The following FAM107B variants were observed in gnomAD, a reference collection of about 807,000 sequenced individuals.
FAM107B encodes the protein family with sequence similarity 107 member B.
A neutral mutation model predicts 31.5 loss-of-function variants in FAM107B; 21 were observed. The observed-to-expected ratio is 0.67, with a 90% CI of 0.47 to 0.96. The LOEUF (loss-of-function observed/expected upper bound fraction) is 0.96. Among genes scored for constraint, FAM107B ranks in the 40% least tolerant of loss-of-function variants. The pLI, the probability that FAM107B is intolerant of heterozygous loss-of-function variation, is 0.00. For missense variants in FAM107B, 452 were observed against 377.1 expected (o/e 1.20, Z -1.64); for synonymous variants, 157 against 141.5 (o/e 1.11, Z -0.78).
intron 1 of FAM107B, among the ~76,000 whole-genome samples, chr10:14,759,746 C>G (rs1833005991): frequency 6.6e-6 from 1 of 151,878 alleles, no homozygotes; most frequent in African/African-American, 2.4e-5. Context: ...AGTCTCACCT[C>G]TGCTGTGCAG....
chr10:14,732,408 A>G (rs1313070382), intron 1 of FAM107B, among the ~76,000 whole-genome samples: 2 of 152,164 alleles, frequency 1.3e-5, no homozygotes, highest in Non-Finnish European at 2.9e-5. Flanking sequence ...GCTGTTTTTA[A>G]TGTTGGTTCG....
intron 2 of FAM107B, among the ~76,000 whole-genome samples, chr10:14,640,059 C>T (rs1174336091): frequency 6.6e-6 from 1 of 152,200 alleles, no homozygotes; most frequent in Non-Finnish European, 1.5e-5. Context: ...GTTAATAATA[C>T]ACAGCTTGGC....
At chr10:14,682,713 G>A (rs1395791248) in intron 1 of FAM107B, among the ~76,000 whole-genome samples, 1 of 151,966 alleles carries the variant, frequency 6.6e-6, no homozygotes, top group African/African-American at 2.4e-5. Context: ...GACACAGGGA[G>A]GGGAACATCA....
At chr10:14,655,608 G>C (rs1227182953) in intron 2 of FAM107B, among the ~76,000 whole-genome samples, 1 of 152,162 alleles carries the variant, frequency 6.6e-6, no homozygotes, top group East Asian at 1.9e-4. Context: ...ACTGTGCCAA[G>C]GGACCCTCTC....
At chr10:14,556,535 T>C (rs991842377) in intron 2 of FAM107B, 12 of 391,298 alleles carry the variant, frequency 3.1e-5, no homozygotes, top group Admixed American at 6.4e-5. Context: ...GCGCAACGTT[T>C]AGACTTGACT....
intron 1 of FAM107B, among the ~76,000 whole-genome samples, chr10:14,737,615 A>AAAACAAACAAAC (rs557002907): frequency 4.6e-5 from 7 of 151,664 alleles, no homozygotes; most frequent in South Asian, 2.1e-4. Context: ...CTCGGCCTCC[A>AAAACAAACAAAC]AAACAAACAA....
chr10:14,767,081 GAGAGAGAGAGA>G (rs1833193230), intron 1 of FAM107B, among the ~76,000 whole-genome samples: 3 of 102,634 alleles, frequency 2.9e-5, no homozygotes, highest in African/African-American at 1.2e-4. Context: ...GAGAGAGAGA[GAGAGAGAGAGA>G]GAGAGAGACA....
At position 14,704,447 on chromosome 10, in the gene FAM107B, G is replaced by A. The variant is rs998060980; in HGVS notation, c.412-36756C>T. On this transcript the variant is annotated intron_variant, in intron 1 of 4. Transcript: ENST00000181796. ...TTTACCCCAAAAATATTGTGTGGTT[G>A]TAGCCTATCTTCAAAAAGGTGGGTC... 2.6e-5 allele frequency among the ~76,000 whole-genome samples: 4 copies of A among 152,168 alleles called. No individual in the cohort carries two copies. The South Asian group carries it at 6.2e-4, about 24-fold the overall frequency.
At chr10:14,767,055 T>TATATATATAGAGAGAGAG (rs1440609298) in intron 1 of FAM107B, among the ~76,000 whole-genome samples, 1 of 18,280 alleles carries the variant, frequency 5.5e-5, no homozygotes, top group Non-Finnish European at 1.1e-4. Flanking sequence ...TATATATATA[T>TATATATATAGAGAGAGAG]AGAGAGAGAG....
chr10:14,591,672 C>G (rs937416551), intron 2 of FAM107B, among the ~76,000 whole-genome samples: 1 of 152,212 alleles, frequency 6.6e-6, no homozygotes, highest in East Asian at 1.9e-4. Context: ...CCACCCACCA[C>G]AGGACCCCAA....
chr10:14,677,895 T>G (rs1854728995), intron 1 of FAM107B, among the ~76,000 whole-genome samples: 1 of 152,148 alleles, frequency 6.6e-6, no homozygotes, highest in South Asian at 2.1e-4. Flanking sequence ...TAAAAAGCGG[T>G]GTATTGATAA....
chr10:14,586,576 C>T (rs891346744), intron 2 of FAM107B, among the ~76,000 whole-genome samples: 2 of 152,202 alleles, frequency 1.3e-5, no homozygotes, highest in Non-Finnish European at 2.9e-5. Context: ...TGATCTCCCT[C>T]TCCACCATGT....
At chr10:14,548,140 C>T (rs528340021) in intron 2 of FAM107B, among the ~76,000 whole-genome samples, 2 of 152,328 alleles carry the variant, frequency 1.3e-5, no homozygotes, top group Admixed American at 6.5e-5. Context: ...TTGAGTTAAC[C>T]TGGTTGGCTG....
intron 2 of FAM107B, among the ~76,000 whole-genome samples, chr10:14,637,170 G>A (rs186848007): frequency 3.1e-4 from 47 of 152,120 alleles, no homozygotes; most frequent in Admixed American, 5.9e-4. Flanking sequence ...TCAAGGTCTC[G>A]GCTTCACGAG....
At chr10:14,707,132 AAAC>A (rs1855539140) in intron 1 of FAM107B, among the ~76,000 whole-genome samples, 2 of 152,246 alleles carry the variant, frequency 1.3e-5, no homozygotes, top group South Asian at 4.1e-4. Flanking sequence ...TCTCAGAAAA[AAAC>A]AAAACAACAA....
chr10:14,689,532 G>T (rs1395185764), intron 1 of FAM107B, among the ~76,000 whole-genome samples: 1 of 152,188 alleles, frequency 6.6e-6, no homozygotes, highest in Admixed American at 6.5e-5. Context: ...TGACGGTAAT[G>T]AGAGGTAAGT....
intron 1 of FAM107B, among the ~76,000 whole-genome samples, chr10:14,714,699 C>A (rs1855743530): frequency 6.6e-6 from 1 of 152,166 alleles, no homozygotes; most frequent in Non-Finnish European, 1.5e-5. Flanking sequence ...AAAAACTGAG[C>A]ACTCTTCCAA....
chr10:14,528,019 A>G (rs950056127), intron 3 of FAM107B: 3 of 360,244 alleles, frequency 8.3e-6, no homozygotes, highest in Non-Finnish European at 1.6e-5. Context: ...TTTTTAATGT[A>G]TTTCCAACCA....
rs528371901 is a variant in FAM107B at position 14,666,320 on chromosome 10, CA to C, written c.469+1313del. Among the ~76,000 whole-genome samples, 67 of 152,308 alleles carry C rather than the reference CA, an allele frequency of 4.4e-4. No homozygotes were observed. In the South Asian group the frequency reaches 0.013, roughly 30 times the overall value. Reference sequence around the variant, plus strand: ...CAATCATGGCGGAAGCAGAAGGAAGCATGTCCTTCTTCACATGACAGTAGCA... The same window carrying C: ...CAATCATGGCGGAAGCAGAAGGAAGCTGTCCTTCTTCACATGACAGTAGCA... On this transcript the variant is annotated intron_variant, in intron 2 of 4. Transcript: ENST00000181796.
Sources: gnomAD v4.1 joint callset for allele counts (sites outside exome capture counted in the v4.1 genomes callset) on GRCh38, gnomAD v4.1.1 for gene constraint, MANE v1.5 for transcripts, NCBI Gene and HGNC (gene_info 2026-07-23, HGNC 2026-07-21) for gene names.